Variants in LIMCH1 observed in about 807,000 individuals in gnomAD.
LIMCH1 encodes the protein LIM and calponin homology domains 1.
LIMCH1 carries 113 observed loss-of-function variants against 176.5 expected under a neutral mutation model. The ratio of observed to expected loss-of-function variants is 0.64; its 90% CI spans 0.55 to 0.75. The LOEUF (loss-of-function observed/expected upper bound fraction) is 0.75. Among genes scored for constraint, LIMCH1 ranks in the 30% least tolerant of loss-of-function variants. LIMCH1 has a pLI of 0.00. For synonymous variants in LIMCH1, 619 were observed against 645.9 expected, an observed-to-expected ratio of 0.96 and a Z score of 0.63; for missense variants, 1,674 against 1,814.9, an observed-to-expected ratio of 0.92 and a Z score of 1.41.
At position 41,646,129 on chromosome 4, in the gene LIMCH1, G is replaced by T; in HGVS notation, c.2260G>T (p.Ala754Ser). The T allele has an allele frequency of 6.2e-7, 1 of 1,607,382 alleles. No homozygotes were observed. Among genetic ancestry groups the T allele is most frequent in the Non-Finnish European group, 8.5e-7 (1 of 1,178,458 alleles). The change falls in exon 16 of 32, where the codon GCT becomes TCT. Residue 754 changes from alanine to serine, a missense_variant. Transcript: ENST00000503057. The stretch of plus-strand genomic sequence containing the variant: ...ATCTTTCTTTCCCTGCCAGGACCTG[G>T]CTCGTTGGAAGAGTCGTAGAAGAAG... ...EEDDKWQDDLARWKSRRRSVS... is the reference protein window; with the variant it reads ...EEDDKWQDDLSRWKSRRRSVS...
chr4:41,492,975 T>G (rs1379861501), intron 1 of LIMCH1, among the ~76,000 whole-genome samples: 1 of 152,196 alleles, frequency 6.6e-6, no homozygotes, highest in Non-Finnish European at 1.5e-5. Flanking sequence ...GTAACAATGA[T>G]TTACATATAA....
chr4:41,446,550 G>A (rs760385680), intron 1 of LIMCH1, among the ~76,000 whole-genome samples: 3 of 152,204 alleles, frequency 2.0e-5, no homozygotes, highest in Non-Finnish European at 4.4e-5. Flanking sequence ...ATGAGTGAAT[G>A]TGCCACACAT....
At position 41,662,837 on chromosome 4, in the gene LIMCH1, A is replaced by G. The variant is rs1267901754; in HGVS notation, c.3144A>G (p.Thr1048=). ...CCATTGCAGAACCACAGCATTTTAC[A>G]ACAACTGTGACTCGATGCAGCCCGA... is the stretch of plus-strand genomic sequence containing the variant. ...ELASSEPQHF[T]TTVTRCSPTV... is the part of the protein sequence containing the mutation. Residue 1048 remains threonine (T), a synonymous_variant, in exon 20 of 32, where the codon ACA becomes ACG. Transcript: ENST00000503057. The G allele has an allele frequency of 1.2e-6, 2 of 1,613,862 alleles. No homozygotes were observed. The highest frequency in any genetic ancestry group is 1.3e-5 in the African/African-American group (1 of 74,882).
chr4:41,485,817 G>A (rs1288635189), intron 1 of LIMCH1, among the ~76,000 whole-genome samples: 5 of 152,120 alleles, frequency 3.3e-5, no homozygotes, highest in African/African-American at 1.2e-4. Context: ...CTTGAGAATA[G>A]ATGGAAGGGA....
At chr4:41,554,139 T>G (rs2080915357) in intron 1 of LIMCH1, among the ~76,000 whole-genome samples, 3 of 152,336 alleles carry the variant, frequency 2.0e-5, no homozygotes, top group Admixed American at 1.3e-4. Context: ...CATTCCCTTC[T>G]TCTAAGGAAA....
chr4:41,632,993 G>A lies in LIMCH1; in HGVS notation c.1737G>A (p.Leu579=). 1 of 1,536,102 alleles carries A rather than the reference G, an allele frequency of 6.5e-7. No individual in the cohort carries two copies. The highest frequency in any genetic ancestry group is 8.7e-7 in the Non-Finnish European group (1 of 1,146,882). The part of the protein sequence containing the change: ...RGTEEVTSKQ[L]PQDGKEETES... ...TGGCTTTAGTTACATCCAAACAGCTGCCACAGGATGGCAAAGAAGAAACAG... is the reference window on the plus strand; with the variant it reads ...TGGCTTTAGTTACATCCAAACAGCTACCACAGGATGGCAAAGAAGAAACAG... The change falls in exon 12 of 32, where the codon CTG becomes CTA. Residue 579 remains leucine, a synonymous_variant. Transcript: ENST00000503057.
intron 1 of LIMCH1, among the ~76,000 whole-genome samples, chr4:41,477,741 G>T (rs1282450553): frequency 6.6e-6 from 1 of 152,286 alleles, no homozygotes; most frequent in African/African-American, 2.4e-5. Flanking sequence ...GAGGATAGGG[G>T]TGAGGGGCAC....
intron 3 of LIMCH1, among the ~76,000 whole-genome samples, chr4:41,531,080 ACT>A (rs2077235205): frequency 6.6e-6 from 1 of 151,944 alleles, no homozygotes; most frequent in African/African-American, 2.4e-5. Context: ...GGTTTGCCCA[ACT>A]CTACATCTGT....
intron 1 of LIMCH1, among the ~76,000 whole-genome samples, chr4:41,435,836 A>G (rs944398421): frequency 3.3e-5 from 5 of 152,196 alleles, no homozygotes; most frequent in African/African-American, 9.7e-5. Flanking sequence ...TATACAGAGT[A>G]AGCTTTCGGT....
intron 13 of LIMCH1, among the ~76,000 whole-genome samples, chr4:41,635,331 G>A (rs956953701): frequency 9.2e-5 from 14 of 151,912 alleles, no homozygotes; most frequent in East Asian, 3.9e-4. Context: ...CCATTCAAGC[G>A]ATTCTTATGC....
At chr4:41,403,635 G>C (rs1434727469) in intron 1 of LIMCH1, among the ~76,000 whole-genome samples, 1 of 152,150 alleles carries the variant, frequency 6.6e-6, no homozygotes, top group Non-Finnish European at 1.5e-5. Context: ...TTTGTGTTTG[G>C]TTACTCTCCA....
chr4:41,660,388 T>G (rs986682607), intron 18 of LIMCH1, among the ~76,000 whole-genome samples: 3 of 152,008 alleles, frequency 2.0e-5, no homozygotes, highest in African/African-American at 7.3e-5. Context: ...TTACTGGAGG[T>G]GCCATGGAGA....
chr4:41,663,924 C>T (rs964957125), intron 20 of LIMCH1, among the ~76,000 whole-genome samples: 3 of 150,450 alleles, frequency 2.0e-5, no homozygotes, highest in Non-Finnish European at 4.4e-5. Context: ...GCCTGTAATT[C>T]CAGATACTGT....
chr4:41,594,355 T>C (rs1478453001), intron 1 of LIMCH1, among the ~76,000 whole-genome samples: 1 of 152,234 alleles, frequency 6.6e-6, no homozygotes, highest in African/African-American at 2.4e-5. Flanking sequence ...GCTAAATATA[T>C]AGCCATTATA....
chr4:41,666,599 G>A lies in LIMCH1; in HGVS notation c.3330G>A (p.Leu1110=). ...AATCTCCAGAACCCGAAGCAACGCT[G>A]ACATTTCCATTTCTGGACAAAATGC... ...KPKSPEPEAT[L]TFPFLDKMPE... The change falls in exon 21 of 32, where the codon CTG becomes CTA. Residue 1110 remains leucine, a synonymous_variant. Transcript: ENST00000503057. 6.2e-7 allele frequency: 1 copy of A among 1,613,988 alleles called. No individual in the cohort carries two copies. The highest frequency in any genetic ancestry group is 8.5e-7 in the Non-Finnish European group (1 of 1,179,904).
intron 3 of LIMCH1, chr4:41,604,213 C>G (rs946432378): frequency 2.7e-5 from 27 of 984,998 alleles, no homozygotes; most frequent in Non-Finnish European, 3.1e-5. Flanking sequence ...ACATTAGCCC[C>G]TTTCCATTTG....
At chr4:41,491,806 G>A (rs2071084076) in intron 1 of LIMCH1, among the ~76,000 whole-genome samples, 1 of 150,250 alleles carries the variant, frequency 6.7e-6, no homozygotes, top group Admixed American at 6.6e-5. Context: ...CCTCCCAGAC[G>A]GGGCGGCCAG....
intron 20 of LIMCH1, 34 bp downstream of exon 20, chr4:41,663,018 C>G (rs2152984449): frequency 6.3e-7 from 1 of 1,594,264 alleles, no homozygotes; most frequent in East Asian, 2.2e-5. Flanking sequence ...CGGTTAAACC[C>G]ACAAGTTAAC....
intron 1 of LIMCH1, among the ~76,000 whole-genome samples, chr4:41,398,624 G>C (rs533854087): frequency 1.3e-5 from 2 of 152,266 alleles, no homozygotes; most frequent in South Asian, 4.1e-4. Context: ...AATCTGAGAG[G>C]TTCCTAGGTT....
Sources: allele counts gnomAD v4.1 joint callset (sites outside exome capture counted in the v4.1 genomes callset), GRCh38; gene constraint gnomAD v4.1.1; transcripts MANE v1.5; gene names NCBI Gene and HGNC (gene_info 2026-07-23, HGNC 2026-07-21).